Variants in MCM8 observed in about 807,000 individuals in gnomAD.
MCM8 encodes minichromosome maintenance 8 homologous recombination repair factor, also known as DNA helicase MCM8.
MCM8 carries 85 observed loss-of-function variants against 98.9 expected under a neutral mutation model. That is an observed-to-expected ratio of 0.86 (90% CI 0.72 to 1.03). MCM8 has a LOEUF of 1.03. Among genes scored for constraint, MCM8 ranks in the 50% least tolerant of loss-of-function variants. The probability of loss-of-function intolerance (pLI) is 0.00; values close to 1 mark genes in which losing one functional copy is unlikely to be tolerated. For synonymous variants in MCM8, 352 were observed against 338.6 expected, an observed-to-expected ratio of 1.04 and a Z score of -0.44; for missense variants, 951 against 997.8, an observed-to-expected ratio of 0.95 and a Z score of 0.63.
intron 10 of MCM8, among the ~76,000 whole-genome samples, chr20:5,968,509 A>G (rs971635353): frequency 6.6e-6 from 1 of 151,990 alleles, no homozygotes; most frequent in Non-Finnish European, 1.5e-5. Context: ...GTGCCATTGC[A>G]CTCCAGCCTG....
Position 5,981,077 on chromosome 20 carries a change from C to T in MCM8, c.1538-1893C>T, listed in dbSNP as rs527537826. Among the ~76,000 whole-genome samples, 19 of 152,224 alleles carry T rather than the reference C, an allele frequency of 1.2e-4. No homozygotes were observed. In the South Asian group the frequency reaches 3.9e-3, roughly 32 times the overall value. ...AAGAATATGTAAGGTTGTGCATGGC[C>T]TGTGAAACTTAAAATATATACTTCT... On this transcript the variant is annotated intron_variant, in intron 13 of 18. Coordinates refer to ENST00000610722, the MANE Select transcript of MCM8 (RefSeq NM_032485.6).
intron 12 of MCM8, 85 bp downstream of exon 12, chr20:5,973,281 T>C: frequency 6.5e-7 from 1 of 1,544,948 alleles, no homozygotes; most frequent in Non-Finnish European, 8.9e-7. Flanking sequence ...AAGCATGTAG[T>C]GTGTGTGTTC....
intron 6 of MCM8, among the ~76,000 whole-genome samples, chr20:5,957,686 A>G (rs1029777475): frequency 1.3e-5 from 2 of 152,236 alleles, no homozygotes. Flanking sequence ...TGGAAGTCCA[A>G]AAATTCCAAA....
chr20:5,952,616 T>C, intron 3 of MCM8, 88 bp downstream of exon 3: 1 of 1,040,350 alleles, frequency 9.6e-7, no homozygotes, highest in African/African-American at 1.6e-5. Flanking sequence ...CTGTAATTCA[T>C]TTACTAACAT....
rs113290392 is a variant in MCM8, at chr20:5,960,944, CATAA to C, written c.789+2227_789+2230del. Among the ~76,000 whole-genome samples, 1,626 of 152,282 alleles carry C rather than the reference CATAA, an allele frequency of 0.011. 139 individuals carry two copies. In the East Asian group the frequency reaches 0.23, roughly 22 times the overall value. On this transcript the variant is annotated intron_variant, in intron 7 of 18. Coordinates refer to ENST00000610722, the MANE Select transcript of MCM8 (RefSeq NM_032485.6). The stretch of plus-strand genomic sequence containing the variant: ...GAGCGAAACTCCGCCTCAAAAAATA[CATAA>C]ATAAATAAGAAGCCCTTTTCACTCA...
At position 5,998,609 on chromosome 20, in the gene MCM8, C is replaced by G. The variant is rs1465244903; in HGVS notation, c.*4218C>G. On this transcript the variant is annotated 3_prime_UTR_variant, in exon 19 of 19. Transcript: ENST00000610722. ...TAATTCTGGAGACCCAGTATGGAAC[C>G]CACTCCTAGCCCTTGTGACAATATT... 1 of 152,154 alleles carries G rather than the reference C, an allele frequency of 6.6e-6. No individual in the cohort carries two copies. The highest frequency in any genetic ancestry group is 2.4e-5 in the African/African-American group (1 of 41,424). 9.4% of individuals were successfully genotyped at this position (152,154 alleles called of 1,614,324 possible). A position where few individuals can be genotyped will look rare whatever the true frequency, so the allele number is the denominator to read the frequency against.
intron 17 of MCM8, among the ~76,000 whole-genome samples, chr20:5,992,879 A>C (rs2089881420): frequency 6.6e-6 from 1 of 152,204 alleles, no homozygotes; most frequent in African/African-American, 2.4e-5. Flanking sequence ...GGAATCAGCA[A>C]TAGAGTTGGA....
intron 8 of MCM8, chr20:5,964,447 ACT>A (rs1486055976): frequency 6.6e-6 from 1 of 151,942 alleles, no homozygotes; most frequent in Non-Finnish European, 1.5e-5. Flanking sequence ...AATGGTTAAG[ACT>A]CTTGAGTATG....
In MCM8 at chr20:5,995,310, T is replaced by C. The variant is rs2089941216; in HGVS notation, c.*919T>C. 1 of 152,234 alleles carries C rather than the reference T, an allele frequency of 6.6e-6. No individual in the cohort carries two copies. Among genetic ancestry groups the C allele is most frequent in the Non-Finnish European group, 1.5e-5 (1 of 68,068 alleles). The allele number at this position is 152,234 out of a possible 1,614,324, so 9.4% of individuals were successfully genotyped here. A position where few individuals can be genotyped will look rare whatever the true frequency, so the allele number is the denominator to read the frequency against. On this transcript the variant is annotated 3_prime_UTR_variant, in exon 19 of 19. Coordinates refer to ENST00000610722, the MANE Select transcript of MCM8 (RefSeq NM_032485.6). ...AAGCAGGAGAAGTTTTTTGAAAGAA[T>C]TTTGTTTGGCTCACGGAATTATTAG...
intron 10 of MCM8, among the ~76,000 whole-genome samples, chr20:5,971,238 A>G (rs1310290181): frequency 6.6e-6 from 1 of 152,220 alleles, no homozygotes; most frequent in Non-Finnish European, 1.5e-5. Flanking sequence ...ATGCCTTATT[A>G]TACCTCTCTG....
rs577427595 is a variant in MCM8 at position 5,954,961 on chromosome 20, A to G, written c.337-141A>G. The G allele has an allele frequency of 4.5e-5, 29 of 651,062 alleles. No homozygotes were observed. In the African/African-American group the frequency reaches 4.7e-4, roughly 11 times the overall value. The allele number at this position is 651,062 out of a possible 1,614,324, so 40.3% of individuals were successfully genotyped here. On this transcript the variant is annotated intron_variant, in intron 4 of 18. Coordinates refer to ENST00000610722, the MANE Select transcript of MCM8 (RefSeq NM_032485.6). ...TTAAAATATCAGAACCATGCTTGGC[A>G]CAAAGCTTATACTTATGTCATACTT...
At chr20:5,971,316 G>A (rs1276036350) in intron 10 of MCM8, among the ~76,000 whole-genome samples, 1 of 152,194 alleles carries the variant, frequency 6.6e-6, no homozygotes, top group African/African-American at 2.4e-5. Context: ...TCTGAAACCT[G>A]TTAGCCAAAG....
rs766991583 is a variant in MCM8, at chr20:5,977,901, G to A, written c.1421G>A (p.Gly474Asp). The change falls in exon 13 of 19, where the codon GGC (glycine) becomes GAC (aspartate). Residue 474 changes from glycine (G) to aspartate (D), a missense_variant. Coordinates refer to ENST00000610722, the MANE Select transcript of MCM8 (RefSeq NM_032485.6). The part of the protein sequence containing the change: ...LQAACNVAPR[G>D]VYVCGNTTTT... Reference sequence around the variant, plus strand: ...GCAGCGTGCAATGTTGCCCCACGTGGCGTGTATGTTTGTGGTAACACCACG... The same window carrying A: ...GCAGCGTGCAATGTTGCCCCACGTGACGTGTATGTTTGTGGTAACACCACG... The A allele has an allele frequency of 6.2e-7, 1 of 1,614,130 alleles. No individual in the cohort carries two copies. The highest frequency in any genetic ancestry group is 2.2e-5 in the East Asian group (1 of 44,882).
intron 17 of MCM8, 132 bp from the exon 18 acceptor site, chr20:5,993,374 A>G (rs2089890918): frequency 3.6e-6 from 2 of 554,260 alleles, no homozygotes; most frequent in South Asian, 1.0e-4. Flanking sequence ...CCCTCAATAA[A>G]CACATGTTGA....
intron 12 of MCM8, among the ~76,000 whole-genome samples, chr20:5,973,795 T>C: frequency 6.6e-6 from 1 of 152,172 alleles, no homozygotes; most frequent in East Asian, 1.9e-4. Flanking sequence ...GCTGGGATTA[T>C]AGGTGCGCAC....
At chr20:5,955,078 T>G in intron 4 of MCM8, 24 bp from the exon 5 acceptor site, 1 of 1,521,598 alleles carries the variant, frequency 6.6e-7, no homozygotes, top group Non-Finnish European at 9.0e-7. Context: ...GCAATTATTG[T>G]TTTCATACTT....
At chr20:5,992,302 C>T (rs1308307025) in intron 17 of MCM8, among the ~76,000 whole-genome samples, 1 of 152,024 alleles carries the variant, frequency 6.6e-6, no homozygotes, top group African/African-American at 2.4e-5. Context: ...CAGTTTTTGC[C>T]ATAAGAAAAG....
chr20:5,962,738 A>G (rs1193413761), intron 7 of MCM8, among the ~76,000 whole-genome samples: 2 of 152,352 alleles, frequency 1.3e-5, no homozygotes, highest in South Asian at 2.1e-4. Context: ...TGTTGCAATC[A>G]TATTTGGCAA....
intron 17 of MCM8, among the ~76,000 whole-genome samples, chr20:5,990,775 T>TA (rs1023388267): frequency 3.3e-5 from 5 of 152,060 alleles, no homozygotes; most frequent in South Asian, 2.1e-4. Flanking sequence ...TTTTTTCCTA[T>TA]AAAAAAAACA....
Sources: gnomAD v4.1 joint callset for allele counts (sites outside exome capture counted in the v4.1 genomes callset) on GRCh38, gnomAD v4.1.1 for gene constraint, MANE v1.5 for transcripts, NCBI Gene and HGNC (gene_info 2026-07-23, HGNC 2026-07-21) for gene names.